Variants in AFG2A observed in about 807,000 individuals in gnomAD.
AFG2A encodes the protein ATPase family gene 2 protein homolog A.
At chr4:122,979,102 C>T in the AFG2A span, 1 of 1,103,288 alleles carries the variant, frequency 9.1e-7, no homozygotes, top group Non-Finnish European at 1.3e-6. Context: ...GTATGCAGCC[C>T]TGGCCACGCC....
At chr4:122,946,430 T>G in the AFG2A span, among the ~76,000 whole-genome samples, 1 of 152,260 alleles carries the variant, frequency 6.6e-6, no homozygotes. Flanking sequence ...GTTTTTGTAC[T>G]TCTAAACTTA....
chr4:122,939,026 A>C, the AFG2A span, among the ~76,000 whole-genome samples: 1 of 152,084 alleles, frequency 6.6e-6, no homozygotes, highest in African/African-American at 2.4e-5. Flanking sequence ...AACATTTAAA[A>C]AAAAACTTAT....
At chr4:123,271,161 T>G in the AFG2A span, among the ~76,000 whole-genome samples, 1 of 152,322 alleles carries the variant, frequency 6.6e-6, no homozygotes, top group Non-Finnish European at 1.5e-5. Flanking sequence ...AGGTGCCAAG[T>G]TCAAGGCCAA....
At chr4:123,290,520 C>T in the AFG2A span, among the ~76,000 whole-genome samples, 1 of 152,136 alleles carries the variant, frequency 6.6e-6, no homozygotes, top group East Asian at 1.9e-4. Context: ...AGTCCATTTT[C>T]ACACTGCTGA....
the AFG2A span, among the ~76,000 whole-genome samples, chr4:123,255,068 A>T: frequency 6.6e-6 from 1 of 152,006 alleles, no homozygotes; most frequent in Admixed American, 6.6e-5. Flanking sequence ...GGCTCAAGTG[A>T]TCCTCTCACC....
chr4:123,204,965 TC>T, the AFG2A span, among the ~76,000 whole-genome samples: 397 of 152,244 alleles, frequency 2.6e-3, 1 homozygote, highest in African/African-American at 8.9e-3. Context: ...AAATCAGTGC[TC>T]CCCTCCTCAC....
At chr4:123,031,516 T>G in the AFG2A span, among the ~76,000 whole-genome samples, 1 of 152,338 alleles carries the variant, frequency 6.6e-6, no homozygotes, top group Admixed American at 6.5e-5. Flanking sequence ...ACCCAAATGT[T>G]TGGTTTCAAC....
the AFG2A span, among the ~76,000 whole-genome samples, chr4:123,197,105 AC>A: frequency 6.6e-6 from 1 of 152,216 alleles, no homozygotes; most frequent in Non-Finnish European, 1.5e-5. Context: ...CACTGGATTT[AC>A]ATACTTTACA....
At chr4:122,938,320 T>C in the AFG2A span, 4 of 1,345,840 alleles carry the variant, frequency 3.0e-6, no homozygotes, top group South Asian at 2.4e-5. Flanking sequence ...GTAAAAACTA[T>C]TGAATGTGTC....
At chr4:123,203,417 G>A in the AFG2A span, among the ~76,000 whole-genome samples, 45 of 152,242 alleles carry the variant, frequency 3.0e-4, no homozygotes, top group South Asian at 7.0e-3. Flanking sequence ...CCGCCTCCTG[G>A]GTTCAAGTGA....
At chr4:122,972,145 T>C in the AFG2A span, among the ~76,000 whole-genome samples, 7 of 152,266 alleles carry the variant, frequency 4.6e-5, no homozygotes, top group South Asian at 1.0e-3. Flanking sequence ...TAGAATTTTC[T>C]CTGTAGGAAA....
the AFG2A span, among the ~76,000 whole-genome samples, chr4:123,302,378 A>T: frequency 6.6e-6 from 1 of 152,172 alleles, no homozygotes; most frequent in Non-Finnish European, 1.5e-5. Flanking sequence ...CCCCACAAGG[A>T]CCCACAAATA....
chr4:123,158,602 G>C, the AFG2A span, among the ~76,000 whole-genome samples: 1 of 151,964 alleles, frequency 6.6e-6, no homozygotes, highest in Non-Finnish European at 1.5e-5. Flanking sequence ...AAAGAACTTC[G>C]GGTCAAGAAA....
At chr4:123,290,827 T>TA in the AFG2A span, among the ~76,000 whole-genome samples, 2 of 152,192 alleles carry the variant, frequency 1.3e-5, no homozygotes, top group Non-Finnish European at 2.9e-5. Context: ...CTGTGGGAGT[T>TA]AAAAATCAAG....
chr4:123,164,012 T>C, the AFG2A span, among the ~76,000 whole-genome samples: 1 of 152,194 alleles, frequency 6.6e-6, no homozygotes, highest in Non-Finnish European at 1.5e-5. Context: ...CTGCATTGAG[T>C]GTTCTGATCA....
the AFG2A span, among the ~76,000 whole-genome samples, chr4:123,179,293 T>G: frequency 6.6e-6 from 1 of 150,752 alleles, no homozygotes; most frequent in East Asian, 1.9e-4. Flanking sequence ...CTTAAAATTG[T>G]CAGCTCACAC....
the AFG2A span, among the ~76,000 whole-genome samples, chr4:123,296,088 T>G: frequency 1.3e-5 from 2 of 151,434 alleles, no homozygotes; most frequent in African/African-American, 4.9e-5. Flanking sequence ...TCAAAAGACC[T>G]GGACAATCAT....
At chr4:123,055,719 G>C in the AFG2A span, among the ~76,000 whole-genome samples, 2 of 152,184 alleles carry the variant, frequency 1.3e-5, no homozygotes, top group Non-Finnish European at 2.9e-5. Flanking sequence ...CGCACACACA[G>C]AGAGAGGGAG....
chr4:123,062,757 G>T, the AFG2A span, among the ~76,000 whole-genome samples: 1 of 152,168 alleles, frequency 6.6e-6, no homozygotes, highest in African/African-American at 2.4e-5. Context: ...AGACAGTGCT[G>T]TGATCTTATG....
Sources: gnomAD v4.1 joint callset for allele counts (sites outside exome capture counted in the v4.1 genomes callset) on GRCh38, gnomAD v4.1.1 for gene constraint, MANE v1.5 for transcripts, NCBI Gene and HGNC (gene_info 2026-07-23, HGNC 2026-07-21) for gene names.